Variants in DPP3 observed in about 807,000 individuals in gnomAD.
DPP3 encodes DPP III.
Under a neutral mutation model 89.8 loss-of-function variants are expected in DPP3, and 64 were observed. The observed-to-expected ratio is 0.71, with a 90% confidence interval of 0.58 to 0.88. The LOEUF is 0.88. Among genes scored for constraint, DPP3 ranks in the 40% least tolerant of loss-of-function variants. The probability of loss-of-function intolerance (pLI) is 0.00; values close to 1 mark genes in which losing one functional copy is unlikely to be tolerated. For missense variants in DPP3, 835 were observed against 972.5 expected (o/e 0.86, Z 1.88); for synonymous variants, 377 against 404.3 (o/e 0.93, Z 0.81).
intron 16 of DPP3, among the ~76,000 whole-genome samples, chr11:66,502,026 C>T (rs1855689921): frequency 6.6e-6 from 1 of 151,706 alleles, no homozygotes; most frequent in Non-Finnish European, 1.5e-5. Context: ...CGGCCCGTCT[C>T]TACTAAAAAT....
intron 9 of DPP3, 98 bp downstream of exon 9, chr11:66,491,854 C>A: frequency 1.6e-6 from 2 of 1,286,498 alleles, no homozygotes; most frequent in Non-Finnish European, 2.3e-6. Context: ...CCCCGCTCAG[C>A]CATAACCATA....
Position 66,482,220 on chromosome 11 carries a change from T to G in DPP3, c.20T>G (p.Ile7Ser), listed in dbSNP as rs1412308625. The change falls in exon 2 of 18, where the codon ATC (isoleucine) becomes AGC (serine). Residue 7 changes from isoleucine (I) to serine (S), a missense_variant. Physicochemically the swap from Ile to Ser is moderately radical, Grantham distance 142. Transcript: ENST00000531863. MADTQY[I>S]LPNDIGVSSL... ...GGGCCCATGGCGGACACCCAGTACA[T>G]CCTGCCCAATGACATCGGCGTGTCT... The G allele has an allele frequency of 6.2e-7, 1 of 1,614,122 alleles. No individual in the cohort carries two copies. The highest frequency in any genetic ancestry group is 8.5e-7 in the Non-Finnish European group (1 of 1,180,000).
chr11:66,485,296 G>T (rs184459084), intron 3 of DPP3, 34 bp downstream of exon 3: 3 of 1,600,114 alleles, frequency 1.9e-6, no homozygotes, highest in South Asian at 1.1e-5. Flanking sequence ...AGGTGGGGAT[G>T]GGGGGCTGGT....
At position 66,497,584 on chromosome 11, in the gene DPP3, G is replaced by A; in HGVS notation, c.1878+107G>A. 18 of 1,420,668 alleles carry A rather than the reference G, an allele frequency of 1.3e-5. No homozygotes were observed. In the South Asian group the frequency reaches 2.2e-4, roughly 17 times the overall value. 88.0% of individuals were successfully genotyped at this position (1,420,668 alleles called of 1,614,324 possible). On this transcript the variant is annotated intron_variant, in intron 16 of 17. Transcript: ENST00000531863. The stretch of plus-strand genomic sequence containing the variant: ...TGTGAGCAGTTTCTTATGCTGCAGT[G>A]AGGAAAGGTAGCCAGTAAACATGTA...
chr11:66,491,116 T>A (rs1565269276), intron 6 of DPP3, 137 bp from the exon 7 acceptor site: 3 of 1,340,610 alleles, frequency 2.2e-6, no homozygotes. Context: ...GTCTGTTGGC[T>A]ACAGGGAGCC....
chr11:66,495,704 T>C lies in DPP3; in HGVS notation c.1652T>C (p.Leu551Pro). Reference sequence around the variant, plus strand: ...TGGCTCAACATGGTTCGGGCCGGGCTGCTCGCTCTGGAGTTCTACACACCT... The same window carrying C: ...TGGCTCAACATGGTTCGGGCCGGGCCGCTCGCTCTGGAGTTCTACACACCT... Reference protein sequence around the residue: ...VNWLNMVRAGLLALEFYTPEA... With the variant: ...VNWLNMVRAGPLALEFYTPEA... Residue 551 changes from leucine to proline, a missense_variant, in exon 15 of 18, where the codon CTG becomes CCG. Leu to Pro is a moderately conservative substitution (Grantham distance 98). Transcript: ENST00000531863. 6.2e-7 allele frequency: 1 copy of C among 1,612,948 alleles called. No individual in the cohort carries two copies. The highest frequency in any genetic ancestry group is 2.2e-5 in the East Asian group (1 of 44,802).
chr11:66,505,073 A>G (rs936129368), intron 17 of DPP3, among the ~76,000 whole-genome samples: 2 of 152,170 alleles, frequency 1.3e-5, no homozygotes, highest in African/African-American at 4.8e-5. Flanking sequence ...GGGGGAAGCC[A>G]GGCGTTCATA....
chr11:66,482,559 G>T, intron 2 of DPP3, 89 bp downstream of exon 2: 3 of 1,540,076 alleles, frequency 1.9e-6, no homozygotes, highest in Non-Finnish European at 2.6e-6. Context: ...TCAAGGGGTA[G>T]GTGGAGGATT....
chr11:66,489,442 C>T lies in DPP3; in HGVS notation c.667+1435C>T, dbSNP rs928904397. Among the ~76,000 whole-genome samples, 29 of 152,094 alleles carry T rather than the reference C, an allele frequency of 1.9e-4. 1 individual carries two copies. The highest frequency in any genetic ancestry group is 6.5e-4 in the African/African-American group (27 of 41,406). On this transcript the variant is annotated intron_variant, in intron 6 of 17. Coordinates refer to ENST00000531863, the MANE Select transcript of DPP3 (RefSeq NM_130443.4). The stretch of plus-strand genomic sequence containing the variant: ...GTGCCTAGCGCTTGGTGGATCCGAG[C>T]ATCCACTGGGGAGATGATGGCAGAT...
rs1166406504 is a variant in DPP3 at position 66,487,276 on chromosome 11, C to T, written c.507C>T (p.Thr169=). The T allele has an allele frequency of 3.1e-6, 5 of 1,613,864 alleles. No homozygotes were observed. Among genetic ancestry groups the T allele is most frequent in the Non-Finnish European group, 2.5e-6 (3 of 1,179,922 alleles). Residue 169 remains threonine, a synonymous_variant, in exon 5 of 18, where the codon ACC becomes ACT. Coordinates refer to ENST00000531863, the MANE Select transcript of DPP3 (RefSeq NM_130443.4). The part of the protein sequence containing the change: ...RHLGLGKEGI[T]TYFSGNCTME... Reference sequence around the variant, plus strand: ...CCTGTCTTCCCCAACAGGGAATCACCACCTATTTCTCTGGGAATTGTACCA... The same window carrying T: ...CCTGTCTTCCCCAACAGGGAATCACTACCTATTTCTCTGGGAATTGTACCA...
Position 66,482,476 on chromosome 11 carries a change from T to C in DPP3, c.270+6T>C. 6.2e-7 allele frequency: 1 copy of C among 1,601,420 alleles called. No individual in the cohort carries two copies. Among genetic ancestry groups the C allele is most frequent in the Non-Finnish European group, 8.5e-7 (1 of 1,178,470 alleles). On this transcript the variant is annotated splice_donor_region_variant and intron_variant, in intron 2 of 17. Transcript: ENST00000531863. ...TTACCGAGGAGGAGTATCAGGTCAG[T>C]TCTCTTGGGCCAACCCACATTACCT...
intron 2 of DPP3, among the ~76,000 whole-genome samples, chr11:66,484,753 T>A (rs764300987): frequency 7.6e-6 from 1 of 131,082 alleles, no homozygotes; most frequent in Non-Finnish European, 1.5e-5. Flanking sequence ...AATAGACAGA[T>A]GATTAAGGCC....
At chr11:66,497,802 G>T (rs1178829253) in intron 16 of DPP3, among the ~76,000 whole-genome samples, 1 of 151,572 alleles carries the variant, frequency 6.6e-6, no homozygotes, top group Non-Finnish European at 1.5e-5. Flanking sequence ...GAAGTGGGAG[G>T]ATCACTTGAG....
At chr11:66,487,829 C>G in intron 5 of DPP3, 85 bp from the exon 6 acceptor site, 1 of 1,289,130 alleles carries the variant, frequency 7.8e-7, no homozygotes, top group Non-Finnish European at 1.1e-6. Context: ...CATGCCTTCT[C>G]CCCTAGGGTT....
In DPP3 at chr11:66,492,911, G is replaced by GT. The variant is rs1261722276; in HGVS notation, c.1183+2dup. On this transcript the variant is annotated splice_donor_variant, in intron 10 of 17. Transcript: ENST00000531863. LOFTEE classifies it high-confidence loss of function. ...CCTGCCGGCATCAACATCCCCAACTGTGAGTGTCTCAGGCCCAGCCCCCGA... is the reference window on the plus strand; with the variant it reads ...CCTGCCGGCATCAACATCCCCAACTGTTGAGTGTCTCAGGCCCAGCCCCCGA... 6 of 1,608,498 alleles carry GT rather than the reference G, an allele frequency of 3.7e-6. No individual in the cohort carries two copies. Among genetic ancestry groups the GT allele is most frequent in the Non-Finnish European group, 5.1e-6 (6 of 1,177,102 alleles).
At chr11:66,480,821 C>T in intron 1 of DPP3, 1 of 232,058 alleles carries the variant, frequency 4.3e-6, no homozygotes, top group Non-Finnish European at 8.3e-6. Flanking sequence ...TTCCAAGCCT[C>T]AGTTTCCCTA....
chr11:66,497,150 G>A (rs764405485), intron 15 of DPP3, 148 bp from the exon 16 acceptor site: 13 of 972,028 alleles, frequency 1.3e-5, no homozygotes, highest in Non-Finnish European at 1.9e-5. Flanking sequence ...GGACCCGCAG[G>A]GTTGGGGAGA....
At chr11:66,481,857 A>G (rs1855092682) in intron 1 of DPP3, among the ~76,000 whole-genome samples, 1 of 152,168 alleles carries the variant, frequency 6.6e-6, no homozygotes, top group Non-Finnish European at 1.5e-5. Flanking sequence ...CATGTTGGTC[A>G]GGCTGGTCTT....
At chr11:66,503,886 A>G (rs1855738874) in intron 16 of DPP3, among the ~76,000 whole-genome samples, 1 of 149,406 alleles carries the variant, frequency 6.7e-6, no homozygotes, top group Non-Finnish European at 1.5e-5. Flanking sequence ...CTCTGTCTCA[A>G]AAAAAAAAAA....
Sources: gnomAD v4.1 joint callset for allele counts (sites outside exome capture counted in the v4.1 genomes callset) on GRCh38, gnomAD v4.1.1 for gene constraint, MANE v1.5 for transcripts, NCBI Gene and HGNC (gene_info 2026-07-23, HGNC 2026-07-21) for gene names.